DIAPH3: variants seen among roughly 807,000 people sequenced by gnomAD.
DIAPH3 encodes the protein protein diaphanous homolog 3.
Under a neutral mutation model 144.3 loss-of-function variants are expected in DIAPH3, and 117 were observed. The ratio of observed to expected loss-of-function variants is 0.81; its 90% CI spans 0.70 to 0.95. The LOEUF is 0.95. DIAPH3 is among the 40% of genes least tolerant of loss of function. The pLI, the probability that DIAPH3 is intolerant of heterozygous loss-of-function variation, is 0.00. For synonymous variants in DIAPH3, 519 were observed against 488.9 expected (o/e 1.06, Z -0.81); for missense variants, 1,421 against 1,412.7 (o/e 1.01, Z -0.09).
chr13:60,117,859 T>G (rs2058738752), intron 2 of DIAPH3, among the ~76,000 whole-genome samples: 5 of 152,184 alleles, frequency 3.3e-5, no homozygotes, highest in Admixed American at 3.3e-4. Context: ...TGTTTATGTG[T>G]GTGTATTACA....
intron 17 of DIAPH3, among the ~76,000 whole-genome samples, chr13:59,929,563 T>C (rs1218449749): frequency 7.3e-6 from 1 of 137,826 alleles, no homozygotes; most frequent in Non-Finnish European, 1.6e-5. Flanking sequence ...TCTTTTTTTT[T>C]TTTTTTTTTT....
chr13:59,829,637 C>G (rs944060229), intron 24 of DIAPH3, among the ~76,000 whole-genome samples: 1 of 151,936 alleles, frequency 6.6e-6, no homozygotes, highest in Non-Finnish European at 1.5e-5. Flanking sequence ...TGTTACTCAA[C>G]AAATTTATCT....
chr13:59,776,676 T>C (rs999647602), intron 25 of DIAPH3, among the ~76,000 whole-genome samples: 15 of 152,126 alleles, frequency 9.9e-5, no homozygotes, highest in Non-Finnish European at 1.5e-5. Flanking sequence ...TTTAATGGCA[T>C]AAAGTTTAAG....
At chr13:60,099,066 AAG>A (rs748108682) in intron 3 of DIAPH3, among the ~76,000 whole-genome samples, 1 of 152,224 alleles carries the variant, frequency 6.6e-6, no homozygotes, top group Non-Finnish European at 1.5e-5. Flanking sequence ...AATCTCTCTG[AAG>A]AGCATATTAT....
At chr13:59,670,319 G>C (rs2032286214) in intron 27 of DIAPH3, among the ~76,000 whole-genome samples, 1 of 152,114 alleles carries the variant, frequency 6.6e-6, no homozygotes, top group South Asian at 2.1e-4. Context: ...TTTTTTAAAA[G>C]ATGTTTATAG....
At chr13:59,710,412 C>T (rs1426144850) in intron 27 of DIAPH3, among the ~76,000 whole-genome samples, 1 of 151,490 alleles carries the variant, frequency 6.6e-6, no homozygotes, top group Non-Finnish European at 1.5e-5. Context: ...TAAAAAATGG[C>T]ACAACAAATT....
intron 27 of DIAPH3, among the ~76,000 whole-genome samples, chr13:59,704,924 G>A (rs184794529): frequency 6.6e-6 from 1 of 152,232 alleles, no homozygotes; most frequent in East Asian, 1.9e-4. Flanking sequence ...AGGTCTAAGG[G>A]TTTGACTATT....
intron 9 of DIAPH3, among the ~76,000 whole-genome samples, chr13:59,999,044 T>C (rs1315645349): frequency 6.6e-6 from 1 of 152,110 alleles, no homozygotes; most frequent in African/African-American, 2.4e-5. Flanking sequence ...TATAAGACCT[T>C]TACTTGGTCT....
chr13:60,024,120 G>T (rs2054224185), intron 5 of DIAPH3, among the ~76,000 whole-genome samples: 1 of 151,992 alleles, frequency 6.6e-6, no homozygotes, highest in East Asian at 1.9e-4. Flanking sequence ...CTCCCAAAGT[G>T]CTGGGATTAC....
At chr13:59,741,992 C>G (rs926147350) in intron 27 of DIAPH3, among the ~76,000 whole-genome samples, 36 of 152,116 alleles carry the variant, frequency 2.4e-4, no homozygotes, top group Admixed American at 2.3e-3. Flanking sequence ...AATGGACTCA[C>G]AGTTCCACAC....
intron 19 of DIAPH3, among the ~76,000 whole-genome samples, chr13:59,912,500 A>G (rs1193653407): frequency 6.6e-6 from 1 of 152,194 alleles, no homozygotes; most frequent in Non-Finnish European, 1.5e-5. Flanking sequence ...ACACACTTAA[A>G]CAACAGAACT....
At chr13:60,118,221 CA>C (rs1029177388) in intron 2 of DIAPH3, among the ~76,000 whole-genome samples, 5 of 151,344 alleles carry the variant, frequency 3.3e-5, no homozygotes, top group East Asian at 3.9e-4. Flanking sequence ...ATTAATTAAA[CA>C]AAAAAAGGTT....
intron 25 of DIAPH3, among the ~76,000 whole-genome samples, chr13:59,785,998 T>C (rs1016747972): frequency 1.4e-4 from 22 of 152,176 alleles, no homozygotes; most frequent in African/African-American, 5.1e-4. Context: ...ACAAGGTCAT[T>C]CTTTTAGTTG....
intron 2 of DIAPH3, among the ~76,000 whole-genome samples, chr13:60,116,555 C>A (rs886352275): frequency 6.6e-6 from 1 of 151,792 alleles, no homozygotes; most frequent in Non-Finnish European, 1.5e-5. Context: ...TTCCTAAGCA[C>A]AGAAACTATT....
intron 23 of DIAPH3, chr13:59,837,689 A>C (rs2042110197): frequency 6.6e-6 from 1 of 151,772 alleles, no homozygotes; most frequent in African/African-American, 2.4e-5. Context: ...GCAATAATAT[A>C]TTTATTTTAG....
At chr13:60,047,020 A>G (rs1359121998) in intron 4 of DIAPH3, among the ~76,000 whole-genome samples, 1 of 152,128 alleles carries the variant, frequency 6.6e-6, no homozygotes, top group Admixed American at 6.5e-5. Flanking sequence ...CAAATACCTA[A>G]TGTAAATGAT....
intron 22 of DIAPH3, among the ~76,000 whole-genome samples, chr13:59,839,979 G>T (rs916893565): frequency 6.6e-6 from 1 of 152,144 alleles, no homozygotes; most frequent in Non-Finnish European, 1.5e-5. Context: ...AACACAATTT[G>T]TGTTTATTAT....
intron 9 of DIAPH3, among the ~76,000 whole-genome samples, chr13:60,001,712 A>C (rs1323675165): frequency 1.3e-5 from 2 of 152,240 alleles, no homozygotes; most frequent in East Asian, 3.9e-4. Context: ...CATGACTTGA[A>C]CCCTACAGGT....
intron 25 of DIAPH3, among the ~76,000 whole-genome samples, chr13:59,795,974 ATTAG>A (rs2139435294): frequency 6.6e-6 from 1 of 152,346 alleles, no homozygotes; most frequent in African/African-American, 2.4e-5. Flanking sequence ...TTGAAATTAG[ATTAG>A]TTAATTTGCT....
Sources: allele counts gnomAD v4.1 joint callset (sites outside exome capture counted in the v4.1 genomes callset), GRCh38; gene constraint gnomAD v4.1.1; transcripts MANE v1.5; gene names NCBI Gene and HGNC (gene_info 2026-07-23, HGNC 2026-07-21).